REDIC1: variants seen among roughly 807,000 people sequenced by gnomAD.
REDIC1 encodes the protein regulator of DNA class I crossover intermediates 1, also known as HEI10 Interacting Protein 1.
chr12:39,821,613 G>A, the REDIC1 span, among the ~76,000 whole-genome samples: 1 of 152,122 alleles, frequency 6.6e-6, no homozygotes, highest in Non-Finnish European at 1.5e-5. Context: ...TCTTCACCCT[G>A]TGACCAAATC....
the REDIC1 span, among the ~76,000 whole-genome samples, chr12:39,891,976 T>C: frequency 1.3e-5 from 2 of 149,852 alleles, no homozygotes; most frequent in Admixed American, 6.6e-5. Context: ...ATCTGAACGA[T>C]TTTTTTACTA....
chr12:39,872,321 T>C, the REDIC1 span, among the ~76,000 whole-genome samples: 2 of 152,164 alleles, frequency 1.3e-5, no homozygotes, highest in Non-Finnish European at 2.9e-5. Flanking sequence ...AAGCTGCAAG[T>C]CCATGGAATG....
At chr12:39,658,273 T>G in the REDIC1 span, among the ~76,000 whole-genome samples, 1 of 151,964 alleles carries the variant, frequency 6.6e-6, no homozygotes, top group African/African-American at 2.4e-5. Flanking sequence ...TTAGTAGAGT[T>G]GGGGTTTCAC....
chr12:39,690,528 A>T, the REDIC1 span, among the ~76,000 whole-genome samples: 7 of 152,110 alleles, frequency 4.6e-5, no homozygotes, highest in Admixed American at 3.3e-4. Context: ...CTTAGCAATT[A>T]ACATATTGAA....
chr12:39,847,615 A>G, the REDIC1 span, among the ~76,000 whole-genome samples: 1 of 152,044 alleles, frequency 6.6e-6, no homozygotes. Flanking sequence ...TGGGTACAGT[A>G]AAAGGATAGG....
At chr12:39,646,135 A>G in the REDIC1 span, among the ~76,000 whole-genome samples, 4 of 151,964 alleles carry the variant, frequency 2.6e-5, no homozygotes. Context: ...AGGAATATAT[A>G]AGATGATGAA....
At chr12:39,713,273 C>T in the REDIC1 span, among the ~76,000 whole-genome samples, 1,152 of 10,082 alleles carry the variant, frequency 0.11, 80 homozygotes, top group African/African-American at 0.18. Context: ...TATATGTGTA[C>T]ACACACATAC....
chr12:39,815,288 A>G, the REDIC1 span, among the ~76,000 whole-genome samples: 344 of 152,358 alleles, frequency 2.3e-3, 1 homozygote, highest in African/African-American at 7.5e-3. Flanking sequence ...AAAGCAGAGA[A>G]TACTGTGAGC....
chr12:39,894,595 T>C, the REDIC1 span, among the ~76,000 whole-genome samples: 3 of 152,324 alleles, frequency 2.0e-5, no homozygotes, highest in African/African-American at 7.2e-5. Context: ...CTAAAATTTC[T>C]AACACTGAAA....
chr12:39,700,733 A>C, the REDIC1 span, among the ~76,000 whole-genome samples: 3 of 151,900 alleles, frequency 2.0e-5, no homozygotes, highest in South Asian at 2.1e-4. Flanking sequence ...CTAACAGTGG[A>C]TCTCTCAGCA....
the REDIC1 span, among the ~76,000 whole-genome samples, chr12:39,896,460 ATG>A: frequency 2.8e-5 from 4 of 144,098 alleles, no homozygotes; most frequent in African/African-American, 7.7e-5. Flanking sequence ...GTGTGTATAT[ATG>A]TATACATATA....
At chr12:39,782,388 C>A in the REDIC1 span, among the ~76,000 whole-genome samples, 7 of 152,092 alleles carry the variant, frequency 4.6e-5, no homozygotes, top group Non-Finnish European at 7.4e-5. Flanking sequence ...GAGTAAGTGT[C>A]ACGAAATCTG....
the REDIC1 span, among the ~76,000 whole-genome samples, chr12:39,879,765 G>A: frequency 1.3e-5 from 2 of 152,228 alleles, no homozygotes; most frequent in African/African-American, 2.4e-5. Context: ...GAGTTAAGCT[G>A]GAATGAGTTA....
At chr12:39,903,137 G>A in the REDIC1 span, among the ~76,000 whole-genome samples, 2 of 152,104 alleles carry the variant, frequency 1.3e-5, no homozygotes, top group African/African-American at 4.8e-5. Context: ...ATCTAAATTG[G>A]TCTGATAGGC....
the REDIC1 span, chr12:39,682,523 A>G: frequency 3.0e-5 from 28 of 936,932 alleles, no homozygotes; most frequent in Non-Finnish European, 4.1e-5. Context: ...TAGCAACTCA[A>G]TATGTCCTCT....
At chr12:39,666,586 G>A in the REDIC1 span, among the ~76,000 whole-genome samples, 3 of 152,220 alleles carry the variant, frequency 2.0e-5, no homozygotes, top group Non-Finnish European at 4.4e-5. Flanking sequence ...CTCATAAAAT[G>A]AGTTAGGGAG....
the REDIC1 span, among the ~76,000 whole-genome samples, chr12:39,799,475 A>G: frequency 6.6e-6 from 1 of 152,026 alleles, no homozygotes; most frequent in Non-Finnish European, 1.5e-5. Context: ...AAATCCACCC[A>G]GAATAACCTC....
chr12:39,820,978 G>T, the REDIC1 span, among the ~76,000 whole-genome samples: 1 of 151,744 alleles, frequency 6.6e-6, no homozygotes, highest in South Asian at 2.1e-4. Context: ...ACTTCCTACT[G>T]CAGTGTTCCC....
chr12:39,748,017 A>G, the REDIC1 span, among the ~76,000 whole-genome samples: 1 of 152,360 alleles, frequency 6.6e-6, no homozygotes, highest in East Asian at 1.9e-4. Context: ...AAACTGCATC[A>G]ACTAACGAGC....
Sources: gnomAD v4.1 joint callset for allele counts (sites outside exome capture counted in the v4.1 genomes callset) on GRCh38, gnomAD v4.1.1 for gene constraint, MANE v1.5 for transcripts, NCBI Gene and HGNC (gene_info 2026-07-23, HGNC 2026-07-21) for gene names.